The following RMDN1 variants were observed in gnomAD, a reference collection of about 807,000 sequenced individuals.
RMDN1 encodes regulator of microtubule dynamics protein 1.
Under a neutral mutation model 48.9 loss-of-function variants are expected in RMDN1, and 48 were observed. That is an observed-to-expected ratio of 0.98 (90% CI 0.78 to 1.25). RMDN1 has a LOEUF of 1.25. Ranked by LOEUF, RMDN1 falls within the 50% of genes most tolerant of loss-of-function variation. RMDN1 has a pLI of 0.00. For synonymous variants in RMDN1, 148 were observed against 132.6 expected, an observed-to-expected ratio of 1.12 and a Z score of -0.80; for missense variants, 418 against 373.4, an observed-to-expected ratio of 1.12 and a Z score of -0.98.
upstream of RMDN1, among the ~76,000 whole-genome samples, chr8:86,511,422 C>T (rs1026920677): frequency 2.0e-5 from 3 of 150,902 alleles, no homozygotes; most frequent in South Asian, 2.1e-4. Context: ...TGCAGTGAGC[C>T]GAGATCGCAC....
At chr8:86,480,005 A>G (rs1359079078) in intron 6 of RMDN1, among the ~76,000 whole-genome samples, 1 of 152,124 alleles carries the variant, frequency 6.6e-6, no homozygotes, top group Admixed American at 6.5e-5. Context: ...ACATTAATCT[A>G]ATTTCATTTA....
At chr8:86,483,825 GTTTT>G (rs35596455) in intron 5 of RMDN1, among the ~76,000 whole-genome samples, 1 of 130,144 alleles carries the variant, frequency 7.7e-6, no homozygotes, top group Admixed American at 7.6e-5. Context: ...TTTTGTGGTA[GTTTT>G]TTTTTTTTTT....
chr8:86,482,679 G>C lies in RMDN1; in HGVS notation c.585+2193C>G, dbSNP rs537487189. On this transcript the variant is annotated intron_variant, in intron 5 of 9. Transcript: ENST00000406452. ...GAGCGCAGTCGGAAAAAGACTTTAT[G>C]GAGTTCATGATCAAGGGGACCCCAG... 72 of 903,520 alleles carry C rather than the reference G, an allele frequency of 8.0e-5. No individual in the cohort carries two copies. In the African/African-American group the frequency reaches 1.1e-3, roughly 14 times the overall value. The allele number at this position is 903,520 out of a possible 1,614,324, so 56.0% of individuals were successfully genotyped here.
chr8:86,509,036 C>T (rs1011064839), upstream of RMDN1, among the ~76,000 whole-genome samples: 4 of 152,144 alleles, frequency 2.6e-5, no homozygotes, highest in Admixed American at 1.3e-4. Context: ...TATCTGCTGC[C>T]TTCAAAAGTA....
At chr8:86,499,020 C>G (rs561792400) in intron 2 of RMDN1, among the ~76,000 whole-genome samples, 17 of 152,120 alleles carry the variant, frequency 1.1e-4, no homozygotes, top group Admixed American at 1.1e-3. Flanking sequence ...AATTCAACAT[C>G]GCTTTACCTT....
At chr8:86,485,253 T>C (rs1221415894) in intron 4 of RMDN1, among the ~76,000 whole-genome samples, 2 of 152,008 alleles carry the variant, frequency 1.3e-5, no homozygotes, top group African/African-American at 2.4e-5. Flanking sequence ...GGTGAAACCT[T>C]ATCTCTACTA....
At chr8:86,471,583 G>GACAA (rs1245714599), downstream of RMDN1, among the ~76,000 whole-genome samples, 2 of 151,996 alleles carry the variant, frequency 1.3e-5, no homozygotes, top group African/African-American at 2.4e-5. Context: ...CGGAGAAAAA[G>GACAA]ACAAACACAT....
At chr8:86,503,382 A>AC (rs1818679080) in intron 2 of RMDN1, among the ~76,000 whole-genome samples, 5 of 113,290 alleles carry the variant, frequency 4.4e-5, no homozygotes, top group Non-Finnish European at 8.6e-5. Flanking sequence ...AAAAAAAAAA[A>AC]AAAAAAACAA....
At chr8:86,469,183 C>CCG (rs1275283412), downstream of RMDN1, among the ~76,000 whole-genome samples, 2 of 135,992 alleles carry the variant, frequency 1.5e-5, no homozygotes, top group Admixed American at 1.8e-4. Context: ...TTTGTTTGTC[C>CCG]CGCCCCCCCC....
chr8:86,493,882 A>G lies in RMDN1; in HGVS notation c.248-5243T>C, dbSNP rs190995907. On this transcript the variant is annotated intron_variant, in intron 2 of 9. Coordinates refer to ENST00000406452, the MANE Select transcript of RMDN1 (RefSeq NM_016033.3). Reference sequence around the variant, plus strand: ...ATTCCTAAGACATCTCATTAGGTATATGCAAATATTCCAAAATCCAAAACA... The same window carrying G: ...ATTCCTAAGACATCTCATTAGGTATGTGCAAATATTCCAAAATCCAAAACA... Among the ~76,000 whole-genome samples, 317 of 152,356 alleles carry G rather than the reference A, an allele frequency of 2.1e-3. 3 individuals carry two copies. The highest frequency in any genetic ancestry group is 3.2e-3 in the Non-Finnish European group (219 of 68,032).
Position 86,473,397 on chromosome 8 carries a change from G to A in RMDN1, c.*911C>T. ...ATTCCATTTCACTCTTAAGTTTTGTGTTCCTTCCATTCCATTAGGGAATAG... is the reference window on the plus strand; with the variant it reads ...ATTCCATTTCACTCTTAAGTTTTGTATTCCTTCCATTCCATTAGGGAATAG... On this transcript the variant is annotated 3_prime_UTR_variant, in exon 10 of 10. Coordinates refer to ENST00000406452, the MANE Select transcript of RMDN1 (RefSeq NM_016033.3). 1 of 985,382 alleles carries A rather than the reference G, an allele frequency of 1.0e-6. No homozygotes were observed. Among genetic ancestry groups the A allele is most frequent in the Non-Finnish European group, 1.2e-6 (1 of 829,896 alleles). 61.0% of individuals were successfully genotyped at this position (985,382 alleles called of 1,614,324 possible). A position where few individuals can be genotyped will look rare whatever the true frequency, so the allele number is the denominator to read the frequency against.
At chr8:86,508,219 T>G in intron 1 of RMDN1, 1 of 410,268 alleles carries the variant, frequency 2.4e-6, no homozygotes. Context: ...TCCCGTCCTG[T>G]TTTACATTTC....
intron 7 of RMDN1, chr8:86,477,597 G>T: frequency 3.1e-6 from 1 of 324,604 alleles, no homozygotes; most frequent in Non-Finnish European, 5.6e-6. Context: ...AGAAAGGAAA[G>T]AACATTATCA....
chr8:86,507,142 A>G, intron 1 of RMDN1, 30 bp from the exon 2 acceptor site: 1 of 1,426,334 alleles, frequency 7.0e-7, no homozygotes, highest in Non-Finnish European at 9.9e-7. Context: ...AAGAGTTACA[A>G]ACTTTGAAAA....
At chr8:86,481,636 G>A (rs1284171064) in intron 5 of RMDN1, 1 of 314,680 alleles carries the variant, frequency 3.2e-6, no homozygotes, top group Non-Finnish European at 5.9e-6. Flanking sequence ...CACTGAGGAA[G>A]GAAGGAGAAG....
downstream of RMDN1, chr8:86,470,132 CAAAAGG>C: frequency 7.9e-7 from 1 of 1,272,772 alleles, no homozygotes; most frequent in Non-Finnish European, 1.0e-6. Flanking sequence ...CTCATATCCT[CAAAAGG>C]AAGGAAGGAA....
downstream of RMDN1, chr8:86,470,399 G>C (rs1269127764): frequency 1.6e-5 from 20 of 1,283,672 alleles, no homozygotes; most frequent in Admixed American, 2.3e-5. Flanking sequence ...TGACACGTGG[G>C]GAATCAGGCT....
At position 86,480,347 on chromosome 8, in the gene RMDN1, GA is replaced by G; in HGVS notation, c.586-16del. ...TCAATTGCTTTCTAACAAGAAATGA[GA>G]AAAATAAATCATATTTGTTTTCTAA... On this transcript the variant is annotated splice_polypyrimidine_tract_variant and intron_variant, in intron 5 of 9. Coordinates refer to ENST00000406452, the MANE Select transcript of RMDN1 (RefSeq NM_016033.3). 7.0e-7 allele frequency: 1 copy of G among 1,438,770 alleles called. No homozygotes were observed. The highest frequency in any genetic ancestry group is 1.3e-5 in the South Asian group (1 of 75,626). The allele number at this position is 1,438,770 out of a possible 1,614,324, so 89.1% of individuals were successfully genotyped here. A position where few individuals can be genotyped will look rare whatever the true frequency, so the allele number is the denominator to read the frequency against.
At chr8:86,474,527 T>G in intron 9 of RMDN1, 169 bp from the exon 10 acceptor site, 1 of 689,738 alleles carries the variant, frequency 1.4e-6, no homozygotes, top group Non-Finnish European at 2.6e-6. Flanking sequence ...TCTTCCACTT[T>G]AGTACACATC....
Sources: allele counts gnomAD v4.1 joint callset (sites outside exome capture counted in the v4.1 genomes callset), GRCh38; gene constraint gnomAD v4.1.1; transcripts MANE v1.5; gene names NCBI Gene and HGNC (gene_info 2026-07-23, HGNC 2026-07-21).